Variants in OSBPL6 observed in about 807,000 individuals in gnomAD.
The protein encoded by OSBPL6 is oxysterol binding protein like 6.
OSBPL6 carries 49 observed loss-of-function variants against 125.8 expected under a neutral mutation model. That is an observed-to-expected ratio of 0.39 (90% CI 0.31 to 0.49). OSBPL6 has a LOEUF of 0.49. Ranked by LOEUF, OSBPL6 falls within the 20% of genes least tolerant of loss-of-function variation. OSBPL6 has a pLI of 0.88. For missense variants in OSBPL6, 986 were observed against 1,135.4 expected (o/e 0.87, Z 1.89); for synonymous variants, 394 against 391.8 (o/e 1.01, Z -0.07).
intron 1 of OSBPL6, among the ~76,000 whole-genome samples, chr2:178,246,194 A>G (rs1355785775): frequency 6.6e-6 from 1 of 152,112 alleles, no homozygotes; most frequent in African/African-American, 2.4e-5. Flanking sequence ...CTGCGAGAGT[A>G]TTAGCTGTTT....
chr2:178,306,912 G>A (rs1156797795), intron 3 of OSBPL6, among the ~76,000 whole-genome samples: 1 of 152,174 alleles, frequency 6.6e-6, no homozygotes, highest in Non-Finnish European at 1.5e-5. Context: ...TCTGCTGGCA[G>A]GGTTATGTGA....
intron 3 of OSBPL6, among the ~76,000 whole-genome samples, chr2:178,319,091 A>C (rs1480207165): frequency 6.6e-6 from 1 of 152,208 alleles, no homozygotes; most frequent in Non-Finnish European, 1.5e-5. Flanking sequence ...ATAGCAGATG[A>C]GGGTTGGTAT....
chr2:178,378,512 C>T (rs1333012203), intron 15 of OSBPL6, among the ~76,000 whole-genome samples: 2 of 152,224 alleles, frequency 1.3e-5, no homozygotes, highest in African/African-American at 4.8e-5. Flanking sequence ...CTTGCTTCCA[C>T]AATAATCTAT....
At chr2:178,245,875 T>G (rs2091469008) in intron 1 of OSBPL6, among the ~76,000 whole-genome samples, 1 of 152,172 alleles carries the variant, frequency 6.6e-6, no homozygotes, top group Non-Finnish European at 1.5e-5. Flanking sequence ...CAGCCCTAAA[T>G]TCCATAGTAC....
intron 13 of OSBPL6, among the ~76,000 whole-genome samples, chr2:178,366,193 A>T (rs571602521): frequency 6.6e-6 from 1 of 152,274 alleles, no homozygotes; most frequent in East Asian, 1.9e-4. Flanking sequence ...CACCCAGCTT[A>T]TGTCTTGTTT....
At chr2:178,352,769 C>T (rs577664151) in intron 12 of OSBPL6, among the ~76,000 whole-genome samples, 29 of 152,304 alleles carry the variant, frequency 1.9e-4, no homozygotes, top group Middle Eastern at 3.4e-3. Context: ...GCTTTGAGAA[C>T]GGACAGAATG....
chr2:178,250,649 A>G (rs567686968), intron 1 of OSBPL6, among the ~76,000 whole-genome samples: 12 of 151,692 alleles, frequency 7.9e-5, no homozygotes, highest in African/African-American at 2.7e-4. Flanking sequence ...TGCCTGAAAC[A>G]CTCCTGGGCT....
intron 13 of OSBPL6, among the ~76,000 whole-genome samples, chr2:178,366,239 G>A (rs141116225): frequency 0.014 from 2,057 of 152,228 alleles, 40 homozygotes; most frequent in African/African-American, 0.048. Context: ...GAAATAGTCT[G>A]TAATAAAACT....
intron 1 of OSBPL6, among the ~76,000 whole-genome samples, chr2:178,255,930 CT>C (rs1236991604): frequency 1.4e-4 from 22 of 152,278 alleles, no homozygotes; most frequent in African/African-American, 5.3e-4. Context: ...TCCATTCAAA[CT>C]TTAGTATTCA....
At chr2:178,330,941 T>A (rs551813889) in intron 5 of OSBPL6, among the ~76,000 whole-genome samples, 1 of 152,286 alleles carries the variant, frequency 6.6e-6, no homozygotes, top group South Asian at 2.1e-4. Context: ...CCCTCTCTTT[T>A]TTTACCCTTA....
chr2:178,368,567 A>C (rs1368728395), intron 13 of OSBPL6, among the ~76,000 whole-genome samples: 2 of 152,176 alleles, frequency 1.3e-5, no homozygotes, highest in Non-Finnish European at 2.9e-5. Flanking sequence ...ATGCATCATT[A>C]TCTACTTAAA....
chr2:178,270,889 A>G (rs1421078144), intron 1 of OSBPL6, among the ~76,000 whole-genome samples: 3 of 152,200 alleles, frequency 2.0e-5, no homozygotes, highest in South Asian at 2.1e-4. Context: ...AGGTTTTATC[A>G]GGCCAAATCC....
Position 178,306,047 on chromosome 2 carries a change from A to G in OSBPL6, c.-138A>G. 1.7e-6 allele frequency: 1 copy of G among 604,510 alleles called. No individual in the cohort carries two copies. Among genetic ancestry groups the G allele is most frequent in the Non-Finnish European group, 3.0e-6 (1 of 335,320 alleles). The allele number at this position is 604,510 out of a possible 1,614,324, so 37.4% of individuals were successfully genotyped here. A position where few individuals can be genotyped will look rare whatever the true frequency, so the allele number is the denominator to read the frequency against. Reference sequence around the variant, plus strand: ...GCTTTTAGGTGGTTTGGACACCCTCAATATTGCCTGCTCTTTTCTAGTCAA... The same window carrying G: ...GCTTTTAGGTGGTTTGGACACCCTCGATATTGCCTGCTCTTTTCTAGTCAA... On this transcript the variant is annotated 5_prime_UTR_variant, in exon 3 of 25. Transcript: ENST00000190611.
chr2:178,263,548 T>C (rs553981785), intron 1 of OSBPL6, among the ~76,000 whole-genome samples: 1 of 152,332 alleles, frequency 6.6e-6, no homozygotes, highest in East Asian at 1.9e-4. Flanking sequence ...ATCCTTGGTT[T>C]ATAAAGAGTT....
chr2:178,346,554 C>T (rs1690736545), intron 11 of OSBPL6, among the ~76,000 whole-genome samples: 1 of 152,186 alleles, frequency 6.6e-6, no homozygotes, highest in Admixed American at 6.5e-5. Flanking sequence ...CCTCCTTTCA[C>T]AGGACTTCAA....
In OSBPL6 at chr2:178,383,295, G is replaced by C. The variant is rs371644132; in HGVS notation, c.1875+18G>C. 38 of 1,609,908 alleles carry C rather than the reference G, an allele frequency of 2.4e-5. No individual in the cohort carries two copies. The Admixed American group carries it at 6.2e-4, about 26-fold the overall frequency. On this transcript the variant is annotated intron_variant, in intron 17 of 24. Transcript: ENST00000190611. ...AGCGCATGGTAATAAATAACTAACA[G>C]AGCAGCGCCCCTCAGGGATTTGCCA... is the stretch of plus-strand genomic sequence containing the variant.
intron 1 of OSBPL6, among the ~76,000 whole-genome samples, chr2:178,255,011 G>C (rs1002966212): frequency 6.6e-6 from 1 of 152,160 alleles, no homozygotes; most frequent in Non-Finnish European, 1.5e-5. Context: ...GCAGGCAAGA[G>C]AGGATGTGCA....
At chr2:178,229,454 A>C (rs1033749794) in intron 1 of OSBPL6, among the ~76,000 whole-genome samples, 1 of 152,206 alleles carries the variant, frequency 6.6e-6, no homozygotes, top group Non-Finnish European at 1.5e-5. Context: ...GGTCTAGATC[A>C]TTAGTTATCA....
Position 178,395,739 on chromosome 2 carries a change from G to A in OSBPL6, c.*180G>A, listed in dbSNP as rs1301167400. On this transcript the variant is annotated 3_prime_UTR_variant, in exon 25 of 25. Coordinates refer to ENST00000190611, the MANE Select transcript of OSBPL6 (RefSeq NM_032523.4). ...TTAGACAAGGCCCCTAACCACTTTG[G>A]GATCCTTTCTGTTTTGCTGCAACCA... is the stretch of plus-strand genomic sequence containing the variant. The A allele has an allele frequency of 6.0e-6, 3 of 503,628 alleles. No individual in the cohort carries two copies. The highest frequency in any genetic ancestry group is 1.1e-5 in the Non-Finnish European group (3 of 277,062). 31.2% of individuals were successfully genotyped at this position (503,628 alleles called of 1,614,324 possible).
Sources: allele counts gnomAD v4.1 joint callset (sites outside exome capture counted in the v4.1 genomes callset), GRCh38; gene constraint gnomAD v4.1.1; transcripts MANE v1.5; gene names NCBI Gene and HGNC (gene_info 2026-07-23, HGNC 2026-07-21).